TYW1: variants seen among roughly 807,000 people sequenced by gnomAD.
TYW1 encodes tRNA-yW synthesizing protein 1 homolog.
TYW1 carries 46 observed loss-of-function variants against 96.2 expected under a neutral mutation model. The observed-to-expected ratio is 0.48, with a 90% CI of 0.38 to 0.61. The LOEUF (loss-of-function observed/expected upper bound fraction) is 0.61. TYW1 is among the 20% of genes least tolerant of loss of function. The pLI is 0.00. For synonymous variants in TYW1, 274 were observed against 323.0 expected (o/e 0.85, Z 1.63); for missense variants, 684 against 909.6 (o/e 0.75, Z 3.19).
intron 7 of TYW1, among the ~76,000 whole-genome samples, chr7:67,046,254 C>T (rs1300018946): frequency 1.3e-5 from 2 of 152,042 alleles, no homozygotes; most frequent in Admixed American, 6.6e-5. Context: ...CTCTCTTTTC[C>T]CTGATCCGAG....
At chr7:67,132,967 G>A (rs1035028942) in intron 13 of TYW1, among the ~76,000 whole-genome samples, 1 of 151,996 alleles carries the variant, frequency 6.6e-6, no homozygotes, top group African/African-American at 2.4e-5. Flanking sequence ...ATTTCTTTCG[G>A]AACTAACCTG....
chr7:67,238,234 T>G, intron 15 of TYW1, 74 bp from the exon 16 acceptor site: 1 of 1,580,226 alleles, frequency 6.3e-7, no homozygotes, highest in Non-Finnish European at 8.6e-7. Context: ...GACTTGTTCA[T>G]GATTTTAAAA....
chr7:67,039,029 G>T (rs573258741), intron 7 of TYW1, among the ~76,000 whole-genome samples: 1 of 152,322 alleles, frequency 6.6e-6, no homozygotes, highest in East Asian at 1.9e-4. Context: ...AAAAAAAATT[G>T]TGAAATCTGA....
chr7:67,042,504 C>T (rs1405390933), intron 7 of TYW1, among the ~76,000 whole-genome samples: 1 of 151,926 alleles, frequency 6.6e-6, no homozygotes, highest in Non-Finnish European at 1.5e-5. Flanking sequence ...GTTTGGTGTG[C>T]CTAGAGTTGA....
chr7:67,150,281 T>C (rs2116161456), intron 13 of TYW1, among the ~76,000 whole-genome samples: 1 of 152,052 alleles, frequency 6.6e-6, no homozygotes, highest in South Asian at 2.1e-4. Flanking sequence ...GAAAGGGAAA[T>C]AGGGAAGTAG....
intron 12 of TYW1, among the ~76,000 whole-genome samples, chr7:67,104,554 G>T (rs1584566007): frequency 1.3e-5 from 2 of 151,586 alleles, no homozygotes; most frequent in Middle Eastern, 3.4e-3. Flanking sequence ...TGAGATTTGG[G>T]TGGGGACAGA....
At chr7:67,167,558 C>T (rs1381772331) in intron 13 of TYW1, among the ~76,000 whole-genome samples, 4 of 147,616 alleles carry the variant, frequency 2.7e-5, no homozygotes, top group Non-Finnish European at 4.5e-5. Context: ...TCCTTCCTTT[C>T]GCATTTTAAA....
chr7:67,228,442 A>G (rs1050995360), intron 15 of TYW1, among the ~76,000 whole-genome samples: 6 of 152,208 alleles, frequency 3.9e-5, no homozygotes, highest in Non-Finnish European at 5.9e-5. Context: ...GGTCCCTCCC[A>G]CAACACATGG....
intron 6 of TYW1, among the ~76,000 whole-genome samples, chr7:67,020,294 G>A (rs1326841713): frequency 6.6e-6 from 1 of 152,264 alleles, no homozygotes; most frequent in Non-Finnish European, 1.5e-5. Flanking sequence ...GAGGCAGGAG[G>A]ATCACTTGAG....
intron 13 of TYW1, among the ~76,000 whole-genome samples, chr7:67,134,667 T>G (rs1798187574): frequency 6.6e-6 from 1 of 151,762 alleles, no homozygotes; most frequent in African/African-American, 2.4e-5. Flanking sequence ...AAGCGGAAGC[T>G]GTCAAAGATA....
At position 67,091,402 on chromosome 7, in the gene TYW1, C is replaced by T. The variant is rs184975010; in HGVS notation, c.1385-7139C>T. Among the ~76,000 whole-genome samples the T allele has an allele frequency of 7.7e-3, 689 of 89,050 alleles. 2 individuals are homozygous for T. The highest frequency in any genetic ancestry group is 0.026 in the Middle Eastern group (2 of 76). 58.4% of individuals were successfully genotyped at this position (89,050 alleles called of 152,430 possible). A position where few individuals can be genotyped will look rare whatever the true frequency, so the allele number is the denominator to read the frequency against. ...ACATAGGAAGGGGAACATCACACATCGGGGCCTGTCATGGGTTGGGGGGAG... is the reference window on the plus strand; with the variant it reads ...ACATAGGAAGGGGAACATCACACATTGGGGCCTGTCATGGGTTGGGGGGAG... On this transcript the variant is annotated intron_variant, in intron 11 of 15. Transcript: ENST00000359626.
intron 15 of TYW1, 102 bp downstream of exon 15, chr7:67,195,439 G>T: frequency 6.4e-7 from 1 of 1,550,516 alleles, no homozygotes; most frequent in Non-Finnish European, 8.8e-7. Flanking sequence ...GGGATTATCT[G>T]CTTGTTTGCT....
chr7:67,121,261 C>T (rs1584587560), intron 13 of TYW1, among the ~76,000 whole-genome samples: 2 of 152,182 alleles, frequency 1.3e-5, no homozygotes, highest in Non-Finnish European at 2.9e-5. Flanking sequence ...GCTGGCTGGG[C>T]GCGGTGGCTC....
rs377241863 is a variant in TYW1, at chr7:67,139,530, G to A, written c.1698+21912G>A. 6.7e-3 allele frequency among the ~76,000 whole-genome samples: 1,023 copies of A among 151,906 alleles called. 4 individuals carry two copies. The highest frequency in any genetic ancestry group is 0.016 in the South Asian group (78 of 4,820). ...GCAGGGGATTGGTTCCAGGACCCCC[G>A]TGGATACCAAAATCTACAGTTACCA... On this transcript the variant is annotated intron_variant, in intron 13 of 15. Coordinates refer to ENST00000359626, the MANE Select transcript of TYW1 (RefSeq NM_018264.4).
At chr7:67,072,449 A>T (rs1357180603) in intron 10 of TYW1, among the ~76,000 whole-genome samples, 3 of 152,088 alleles carry the variant, frequency 2.0e-5, no homozygotes, top group Middle Eastern at 3.4e-3. Flanking sequence ...GGGTTTCACC[A>T]TGTTGGCCAG....
At chr7:67,237,075 A>G (rs66870123) in intron 15 of TYW1, among the ~76,000 whole-genome samples, 40,720 of 151,946 alleles carry the variant, frequency 0.27, 5,822 homozygotes, top group African/African-American at 0.36. Flanking sequence ...TAGTAGAGAT[A>G]GGGTTTTACC....
At chr7:67,205,391 G>A (rs935772514) in intron 15 of TYW1, among the ~76,000 whole-genome samples, 1 of 151,918 alleles carries the variant, frequency 6.6e-6, no homozygotes, top group Non-Finnish European at 1.5e-5. Flanking sequence ...GGAGGCGGGG[G>A]GGGGGCCTTA....
chr7:67,008,354 A>G (rs1322549023), intron 3 of TYW1, among the ~76,000 whole-genome samples: 4 of 152,184 alleles, frequency 2.6e-5, no homozygotes, highest in African/African-American at 9.7e-5. Flanking sequence ...ATTAAACTCA[A>G]TCTCCAGCCC....
intron 15 of TYW1, among the ~76,000 whole-genome samples, chr7:67,223,893 A>G (rs1485035642): frequency 8.6e-5 from 13 of 151,602 alleles, no homozygotes; most frequent in Admixed American, 7.2e-4. Context: ...CAGAGTTCCA[A>G]AATAGTTACA....
Sources: allele counts gnomAD v4.1 joint callset (sites outside exome capture counted in the v4.1 genomes callset), GRCh38; gene constraint gnomAD v4.1.1; transcripts MANE v1.5; gene names NCBI Gene and HGNC (gene_info 2026-07-23, HGNC 2026-07-21).